Variants in ZNF729 observed in about 807,000 individuals in gnomAD.
ZNF729 encodes zinc finger protein 729.
In ZNF729, 15 loss-of-function variants were observed where a neutral mutation model predicts 12.2. That is an observed-to-expected ratio of 1.23 (90% CI 0.82 to 1.89). ZNF729 has a LOEUF of 1.89. Ranked by LOEUF, ZNF729 falls within the 40% of genes most tolerant of loss-of-function variation. The probability of loss-of-function intolerance (pLI) is 0.00; values close to 1 mark genes in which losing one functional copy is unlikely to be tolerated. For synonymous variants in ZNF729, 492 were observed against 476.3 expected, an observed-to-expected ratio of 1.03 and a Z score of -0.43; for missense variants, 1,540 against 1,456.7, an observed-to-expected ratio of 1.06 and a Z score of -0.93.
chr19:22,292,230 G>T (rs1235479116), intron 1 of ZNF729, among the ~76,000 whole-genome samples: 1 of 152,052 alleles, frequency 6.6e-6, no homozygotes, highest in African/African-American at 2.4e-5. Context: ...AGTGTCTGTT[G>T]TTCCCCTCTT....
intron 1 of ZNF729, among the ~76,000 whole-genome samples, chr19:22,289,282 G>A (rs1968122319): frequency 6.8e-6 from 1 of 147,564 alleles, no homozygotes; most frequent in African/African-American, 2.5e-5. Context: ...CTGGAGTGCA[G>A]TGGCGCAATC....
At chr19:22,301,814 G>C (rs1361605486) in intron 1 of ZNF729, among the ~76,000 whole-genome samples, 1 of 152,310 alleles carries the variant, frequency 6.6e-6, no homozygotes, top group Non-Finnish European at 1.5e-5. Context: ...ATACCTACCT[G>C]TAAAATGTGA....
Position 22,286,458 on chromosome 19 carries a change from C to G in ZNF729, c.-68C>G. The G allele has an allele frequency of 6.2e-7, 1 of 1,602,100 alleles. No individual in the cohort carries two copies. The highest frequency in any genetic ancestry group is 8.5e-7 in the Non-Finnish European group (1 of 1,173,700). On this transcript the variant is annotated 5_prime_UTR_variant, in exon 1 of 4. Transcript: ENST00000601693. Reference sequence around the variant, plus strand: ...TTGCAGCCGCAGTTCCCGGTCTCGCCTTCACTGCTGTGTGTCCTCAGCCTC... The same window carrying G: ...TTGCAGCCGCAGTTCCCGGTCTCGCGTTCACTGCTGTGTGTCCTCAGCCTC...
rs1239626947 is a variant in ZNF729 at position 22,315,037 on chromosome 19, A to G, written c.1620A>G (p.Gly540=). 1.1e-5 allele frequency: 17 copies of G among 1,611,450 alleles called. No homozygotes were observed. Among genetic ancestry groups the G allele is most frequent in the African/African-American group, 2.7e-5 (2 of 74,904 alleles). Residue 540 remains glycine (G), a synonymous_variant, in exon 4 of 4, where the codon GGA becomes GGG. Coordinates refer to ENST00000601693, the MANE Select transcript of ZNF729 (RefSeq NM_001242680.2). ...TLRNHQIIHT[G]EKPYKCEECG... The stretch of plus-strand genomic sequence containing the variant: ...GAAACCATCAGATAATTCATACTGG[A>G]GAGAAACCCTACAAATGTGAAGAAT...
intron 3 of ZNF729, among the ~76,000 whole-genome samples, chr19:22,310,642 C>T (rs1599758181): frequency 6.6e-6 from 1 of 152,048 alleles, no homozygotes; most frequent in East Asian, 1.9e-4. Flanking sequence ...TCAGGGACAT[C>T]AGTCTGTGGT....
chr19:22,294,713 A>G (rs1432330443), intron 1 of ZNF729, among the ~76,000 whole-genome samples: 33 of 145,662 alleles, frequency 2.3e-4, no homozygotes, highest in African/African-American at 7.9e-4. Flanking sequence ...ATGGAGTGCA[A>G]TGGCACAGTC....
chr19:22,291,203 A>C (rs1411959949), intron 1 of ZNF729, among the ~76,000 whole-genome samples: 1 of 152,150 alleles, frequency 6.6e-6, no homozygotes, highest in African/African-American at 2.4e-5. Context: ...CCTGGTCTGG[A>C]ATGGATCTCT....
intron 1 of ZNF729, among the ~76,000 whole-genome samples, chr19:22,298,673 C>A (rs1021469836): frequency 2.0e-5 from 3 of 152,116 alleles, no homozygotes; most frequent in Non-Finnish European, 4.4e-5. Context: ...ACCACCATGC[C>A]TGGCTAATTT....
intron 3 of ZNF729, among the ~76,000 whole-genome samples, chr19:22,309,913 G>T (rs1202744954): frequency 6.6e-6 from 1 of 150,850 alleles, no homozygotes; most frequent in African/African-American, 2.4e-5. Context: ...TCCTTGTAGA[G>T]ATCTTTTACC....
intron 3 of ZNF729, among the ~76,000 whole-genome samples, chr19:22,313,463 T>C (rs1301531622): frequency 6.6e-6 from 1 of 152,212 alleles, no homozygotes; most frequent in Non-Finnish European, 1.5e-5. Flanking sequence ...TTGTGCTTAC[T>C]TGGGGTACTT....
chr19:22,300,526 T>C (rs1968290932), intron 1 of ZNF729, among the ~76,000 whole-genome samples: 1 of 152,178 alleles, frequency 6.6e-6, no homozygotes, highest in South Asian at 2.1e-4. Context: ...GAGGAAACTT[T>C]CCCTCTCAGG....
Position 22,286,477 on chromosome 19 carries a change from C to T in ZNF729, c.-49C>T, listed in dbSNP as rs1372025868. The T allele has an allele frequency of 6.2e-7, 1 of 1,611,424 alleles. No homozygotes were observed. The highest frequency in any genetic ancestry group is 2.2e-5 in the East Asian group (1 of 44,784). ...TCTCGCCTTCACTGCTGTGTGTCCT[C>T]AGCCTCTGTGGCCCTGTAACCTGCG... is the stretch of plus-strand genomic sequence containing the variant. On this transcript the variant is annotated 5_prime_UTR_variant, in exon 1 of 4. Coordinates refer to ENST00000601693, the MANE Select transcript of ZNF729 (RefSeq NM_001242680.2).
chr19:22,304,454 C>T (rs1968354316), intron 2 of ZNF729, among the ~76,000 whole-genome samples: 1 of 152,174 alleles, frequency 6.6e-6, no homozygotes, highest in Middle Eastern at 3.2e-3. Context: ...GCATAAAATA[C>T]AGTTGCCACA....
intron 3 of ZNF729, among the ~76,000 whole-genome samples, chr19:22,311,621 A>C (rs1292088631): frequency 6.6e-6 from 1 of 152,088 alleles, no homozygotes; most frequent in Non-Finnish European, 1.5e-5. Context: ...CATATGGTCT[A>C]TTTGGAGAAA....
At chr19:22,302,561 A>G (rs1038224723) in intron 1 of ZNF729, among the ~76,000 whole-genome samples, 1 of 152,010 alleles carries the variant, frequency 6.6e-6, no homozygotes, top group Non-Finnish European at 1.5e-5. Context: ...AGTATATGTC[A>G]TAAAATTGGG....
chr19:22,286,448 C>G lies in ZNF729; in HGVS notation c.-78C>G, dbSNP rs572957082. ...TTGTTTCTGGTTGCAGCCGCAGTTC[C>G]CGGTCTCGCCTTCACTGCTGTGTGT... On this transcript the variant is annotated 5_prime_UTR_variant, in exon 1 of 4. Coordinates refer to ENST00000601693, the MANE Select transcript of ZNF729 (RefSeq NM_001242680.2). 12 of 1,578,952 alleles carry G rather than the reference C, an allele frequency of 7.6e-6. No homozygotes were observed. The South Asian group carries it at 1.0e-4, about 13-fold the overall frequency.
In ZNF729 at chr19:22,314,158, T is replaced by A. The variant is rs1332397144; in HGVS notation, c.741T>A (p.Phe247Leu). 1 of 1,566,202 alleles carries A rather than the reference T, an allele frequency of 6.4e-7. No individual in the cohort carries two copies. The highest frequency in any genetic ancestry group is 2.4e-5 in the East Asian group (1 of 42,230). Residue 247 changes from phenylalanine (F) to leucine (L), a missense_variant, in exon 4 of 4, where the codon TTT becomes TTA. Transcript: ENST00000601693. ...KYKKCGNAFKFSSTFTKHKRI... is the reference protein window; with the variant it reads ...KYKKCGNAFKLSSTFTKHKRI... ...AGAAATGTGGCAATGCCTTTAAATT[T>A]TCTTCAACGTTCACTAAACATAAGA... is the stretch of plus-strand genomic sequence containing the variant.
intron 3 of ZNF729, among the ~76,000 whole-genome samples, chr19:22,311,396 T>C (rs1393928244): frequency 6.6e-6 from 1 of 152,164 alleles, no homozygotes; most frequent in African/African-American, 2.4e-5. Context: ...GTGTCACTTT[T>C]GTTGTTGAGT....
intron 1 of ZNF729, among the ~76,000 whole-genome samples, chr19:22,294,025 A>G (rs1474549828): frequency 6.6e-6 from 1 of 151,838 alleles, no homozygotes; most frequent in Non-Finnish European, 1.5e-5. Context: ...TGGTATTTTC[A>G]TCATAAAATC....
Sources: gnomAD v4.1 joint callset for allele counts (sites outside exome capture counted in the v4.1 genomes callset) on GRCh38, gnomAD v4.1.1 for gene constraint, MANE v1.5 for transcripts, NCBI Gene and HGNC (gene_info 2026-07-23, HGNC 2026-07-21) for gene names.